The following INPP4B variants were observed in gnomAD, a reference collection of about 807,000 sequenced individuals.
The protein encoded by INPP4B is inositol polyphosphate 4-phosphatase type II.
Under a neutral mutation model 122.5 loss-of-function variants are expected in INPP4B, and 55 were observed. That is an observed-to-expected ratio of 0.45 (90% CI 0.36 to 0.56). The LOEUF is 0.56. INPP4B is among the 20% of genes least tolerant of loss of function. The probability of loss-of-function intolerance (pLI) is 0.00; values close to 1 mark genes in which losing one functional copy is unlikely to be tolerated. For missense variants in INPP4B, 1,000 were observed against 1,097.7 expected (o/e 0.91, Z 1.26); for synonymous variants, 403 against 388.7 (o/e 1.04, Z -0.43).
At chr4:142,789,361 A>G (rs915941044) in intron 1 of INPP4B, among the ~76,000 whole-genome samples, 15 of 152,108 alleles carry the variant, frequency 9.9e-5, no homozygotes, top group African/African-American at 3.6e-4. Flanking sequence ...AAGTTCCTAG[A>G]ACTGATAAAT....
intron 8 of INPP4B, among the ~76,000 whole-genome samples, chr4:142,309,049 C>A (rs1764468547): frequency 6.6e-6 from 1 of 151,996 alleles, no homozygotes; most frequent in African/African-American, 2.4e-5. Context: ...GAAAAAAATG[C>A]CTATGATAAC....
rs1250799464 is a variant in INPP4B, at chr4:142,720,774, T to TA, written c.-191+5064_-191+5065insT. Among the ~76,000 whole-genome samples, 73 of 10,524 alleles carry TA rather than the reference T, an allele frequency of 6.9e-3. 2 individuals are homozygous for TA. Among genetic ancestry groups the TA allele is most frequent in the African/African-American group, 0.02 (49 of 2,504 alleles). 6.9% of individuals were successfully genotyped at this position (10,524 alleles called of 152,430 possible). On this transcript the variant is annotated intron_variant, in intron 2 of 25. Coordinates refer to ENST00000262992, the MANE Select transcript of INPP4B (RefSeq NM_001101669.3). ...CATATATATATAATCTCTCTCTCTC[T>TA]CTCTCTCTCTCTCTCTCTCTCTCTC...
At chr4:142,479,850 T>A (rs1055085263) in intron 2 of INPP4B, among the ~76,000 whole-genome samples, 1 of 152,054 alleles carries the variant, frequency 6.6e-6, no homozygotes, top group African/African-American at 2.4e-5. Context: ...AAACCACCTA[T>A]CAGGTACTAT....
intron 2 of INPP4B, among the ~76,000 whole-genome samples, chr4:142,545,823 A>ATATATATACACATATATATGTGTG (rs1560782754): frequency 0.034 from 2,034 of 59,348 alleles, 220 homozygotes; most frequent in South Asian, 0.055. Context: ...ACATGTGTGT[A>ATATATATACACATATATATGTGTG]TATATATATA....
chr4:142,466,983 A>AAGG (rs1212550489), intron 2 of INPP4B, among the ~76,000 whole-genome samples: 1 of 152,206 alleles, frequency 6.6e-6, no homozygotes, highest in African/African-American at 2.4e-5. Context: ...TGCAAGAGTG[A>AAGG]AGGAGGCTTG....
At chr4:142,179,211 A>C (rs1453765534) in intron 15 of INPP4B, among the ~76,000 whole-genome samples, 2 of 152,072 alleles carry the variant, frequency 1.3e-5, no homozygotes, top group Non-Finnish European at 2.9e-5. Flanking sequence ...AGTGGCTCAC[A>C]CCTGTAGTCC....
chr4:142,584,395 T>C (rs983100368), intron 2 of INPP4B, among the ~76,000 whole-genome samples: 3 of 152,196 alleles, frequency 2.0e-5, no homozygotes, highest in Non-Finnish European at 4.4e-5. Flanking sequence ...TTTTCTGTTT[T>C]ACGATTCCAT....
At chr4:142,588,465 T>G (rs1736707276) in intron 2 of INPP4B, among the ~76,000 whole-genome samples, 1 of 151,732 alleles carries the variant, frequency 6.6e-6, no homozygotes, top group African/African-American at 2.4e-5. Context: ...GTGGCACTGG[T>G]GCAAGATACA....
chr4:142,252,855 A>C (rs758091051), intron 11 of INPP4B, among the ~76,000 whole-genome samples: 5 of 152,220 alleles, frequency 3.3e-5, no homozygotes, highest in Non-Finnish European at 7.3e-5. Flanking sequence ...TAGCTAAAAG[A>C]AATTTATAGT....
chr4:142,267,614 G>A (rs1038982016), intron 10 of INPP4B, among the ~76,000 whole-genome samples: 1 of 152,036 alleles, frequency 6.6e-6, no homozygotes, highest in African/African-American at 2.4e-5. Flanking sequence ...AACTATAAAA[G>A]TACTAGGAAG....
intron 11 of INPP4B, among the ~76,000 whole-genome samples, chr4:142,245,611 A>G (rs896190286): frequency 6.6e-6 from 1 of 151,968 alleles, no homozygotes; most frequent in Non-Finnish European, 1.5e-5. Context: ...AAAATGAGTT[A>G]TGGAGGAGTC....
rs1291551732 is a variant in INPP4B at position 142,382,622 on chromosome 4, TAC to T, written c.372+20314_372+20315del. ...TATATATATTTATATATTATATATA[TAC>T]TATAAATATATACATTTATATATTA... On this transcript the variant is annotated intron_variant, in intron 7 of 25. Coordinates refer to ENST00000262992, the MANE Select transcript of INPP4B (RefSeq NM_001101669.3). Among the ~76,000 whole-genome samples the T allele has an allele frequency of 4.3e-4, 50 of 115,696 alleles. 1 individual carries two copies. The highest frequency in any genetic ancestry group is 1.1e-3 in the African/African-American group (29 of 26,490). 75.9% of individuals were successfully genotyped at this position (115,696 alleles called of 152,430 possible). A position where few individuals can be genotyped will look rare whatever the true frequency, so the allele number is the denominator to read the frequency against.
At chr4:142,477,517 T>A (rs1022400274) in intron 2 of INPP4B, among the ~76,000 whole-genome samples, 2 of 149,902 alleles carry the variant, frequency 1.3e-5, no homozygotes, top group Admixed American at 6.7e-5. Flanking sequence ...TAAATAAGAA[T>A]AAAGGACCAC....
rs1325377904 is a variant in INPP4B, at chr4:142,026,058, T to C, written c.*2724A>G. On this transcript the variant is annotated 3_prime_UTR_variant, in exon 26 of 26. Transcript: ENST00000262992. ...ATATCAAAGGGGAACATATTATTTTTGAGCAAAAAAAGAGTTTGGAAATGT... is the reference window on the plus strand; with the variant it reads ...ATATCAAAGGGGAACATATTATTTTCGAGCAAAAAAAGAGTTTGGAAATGT... 2 of 152,176 alleles carry C rather than the reference T, an allele frequency of 1.3e-5. No homozygotes were observed. Among genetic ancestry groups the C allele is most frequent in the Admixed American group, 6.5e-5 (1 of 15,274 alleles). 9.4% of individuals were successfully genotyped at this position (152,176 alleles called of 1,614,324 possible).
chr4:142,276,507 A>G (rs745681933), intron 9 of INPP4B, among the ~76,000 whole-genome samples: 1 of 151,910 alleles, frequency 6.6e-6, no homozygotes, highest in African/African-American at 2.4e-5. Context: ...GACTCTATAC[A>G]GTAAACAGCT....
At chr4:142,067,110 C>T (rs1360534840) in intron 25 of INPP4B, among the ~76,000 whole-genome samples, 2 of 152,110 alleles carry the variant, frequency 1.3e-5, no homozygotes, top group African/African-American at 4.8e-5. Context: ...GCTGGGTGCC[C>T]CTCTGAGACG....
At chr4:142,240,837 T>A (rs531951862) in intron 11 of INPP4B, among the ~76,000 whole-genome samples, 33 of 152,284 alleles carry the variant, frequency 2.2e-4, no homozygotes, top group African/African-American at 7.9e-4. Context: ...CATGCAGATT[T>A]GTTGCACTGG....
intron 18 of INPP4B, among the ~76,000 whole-genome samples, chr4:142,129,474 C>T (rs1169293248): frequency 6.6e-6 from 1 of 152,180 alleles, no homozygotes; most frequent in Non-Finnish European, 1.5e-5. Flanking sequence ...GTTTCTTCTG[C>T]AGACACTTTA....
At chr4:142,676,169 T>C (rs1239567086) in intron 2 of INPP4B, among the ~76,000 whole-genome samples, 1 of 152,172 alleles carries the variant, frequency 6.6e-6, no homozygotes, top group Non-Finnish European at 1.5e-5. Context: ...ACAAAATGAA[T>C]GTGCAAAAAT....
Sources: gnomAD v4.1 joint callset for allele counts (sites outside exome capture counted in the v4.1 genomes callset) on GRCh38, gnomAD v4.1.1 for gene constraint, MANE v1.5 for transcripts, NCBI Gene and HGNC (gene_info 2026-07-23, HGNC 2026-07-21) for gene names.